FAM171A1: variants seen among roughly 807,000 people sequenced by gnomAD.
FAM171A1 encodes family with sequence similarity 171 member A1.
FAM171A1 carries 23 observed loss-of-function variants against 74.9 expected under a neutral mutation model. The observed-to-expected ratio is 0.31, with a 90% CI of 0.22 to 0.44. The LOEUF is 0.44. Ranked by LOEUF, FAM171A1 falls within the 20% of genes least tolerant of loss-of-function variation. The probability of loss-of-function intolerance (pLI) is 1.00; values close to 1 mark genes in which losing one functional copy is unlikely to be tolerated. For synonymous variants in FAM171A1, 527 were observed against 505.7 expected, an observed-to-expected ratio of 1.04 and a Z score of -0.57; for missense variants, 1,162 against 1,159.2, an observed-to-expected ratio of 1.00 and a Z score of -0.03.
chr10:15,331,859 G>GTATATA (rs1835639494), intron 1 of FAM171A1, among the ~76,000 whole-genome samples: 1 of 44,954 alleles, frequency 2.2e-5, no homozygotes, highest in Non-Finnish European at 4.2e-5. Context: ...ATATATGTGT[G>GTATATA]TATATATATG....
chr10:15,284,304 A>C (rs953809462), intron 1 of FAM171A1, among the ~76,000 whole-genome samples, 199 bp from the exon 2 acceptor site: 5 of 152,190 alleles, frequency 3.3e-5, no homozygotes, highest in Non-Finnish European at 7.3e-5. Context: ...ATTTTCTTCA[A>C]AACCACAGCC....
chr10:15,221,977 G>C (rs1034936568), intron 5 of FAM171A1, among the ~76,000 whole-genome samples: 22 of 152,250 alleles, frequency 1.4e-4, no homozygotes, highest in African/African-American at 5.1e-4. Flanking sequence ...AAGGTTGTTG[G>C]GCTATTTCCC....
intron 1 of FAM171A1, among the ~76,000 whole-genome samples, chr10:15,327,264 T>C (rs934702751): frequency 8.5e-5 from 13 of 152,106 alleles, no homozygotes; most frequent in Non-Finnish European, 1.6e-4. Context: ...TCATAGATTA[T>C]TAGGGGAATA....
At chr10:15,279,871 T>C (rs751994435) in intron 2 of FAM171A1, among the ~76,000 whole-genome samples, 1 of 151,922 alleles carries the variant, frequency 6.6e-6, no homozygotes, top group Non-Finnish European at 1.5e-5. Context: ...TGAACCGAGA[T>C]TGCACCACTG....
chr10:15,293,809 A>T (rs10906883), intron 1 of FAM171A1, among the ~76,000 whole-genome samples: 43,325 of 152,054 alleles, frequency 0.28, 7,918 homozygotes, highest in East Asian at 0.61. Context: ...GAAGAGATGA[A>T]ATTGAAGCTG....
intron 1 of FAM171A1, among the ~76,000 whole-genome samples, chr10:15,360,014 A>C (rs1283431884): frequency 6.6e-6 from 1 of 152,154 alleles, no homozygotes; most frequent in Non-Finnish European, 1.5e-5. Flanking sequence ...GGCTCACTGC[A>C]GCTTCAACCT....
chr10:15,213,222 A>G lies in FAM171A1; in HGVS notation c.2366T>C (p.Val789Ala), dbSNP rs1286870237. Residue 789 changes from valine (V) to alanine (A), a missense_variant, in exon 8 of 8, where the codon GTG becomes GCG. Physicochemically the swap from Val to Ala is moderately conservative, Grantham distance 64. Coordinates refer to ENST00000378116, the MANE Select transcript of FAM171A1 (RefSeq NM_001010924.2). The surrounding 1 kb of genome is among the most constrained non-coding windows in gnomAD (Gnocchi z 6.8). ...ACTCTGTTCCACGTCATCCAGGTAC[A>G]CGAGCTGCGTGTAGGCCGTGCTGTC... ...APDSTAYTQLVYLDDVEQSGS... is the reference protein window; with the variant it reads ...APDSTAYTQLAYLDDVEQSGS... 1.8e-5 allele frequency: 29 copies of G among 1,613,888 alleles called. No individual in the cohort carries two copies. The highest frequency in any genetic ancestry group is 2.4e-5 in the Non-Finnish European group (28 of 1,180,020).
At chr10:15,320,046 A>T (rs1011789521) in intron 1 of FAM171A1, among the ~76,000 whole-genome samples, 6 of 152,162 alleles carry the variant, frequency 3.9e-5, no homozygotes, top group African/African-American at 1.4e-4. Flanking sequence ...TGTCCTGAGA[A>T]TTTAGTATGC....
At chr10:15,298,393 C>A (rs868422483) in intron 1 of FAM171A1, among the ~76,000 whole-genome samples, 9 of 152,288 alleles carry the variant, frequency 5.9e-5, no homozygotes, top group Middle Eastern at 3.4e-3. Flanking sequence ...CTCGGCCTCC[C>A]AAAGTGCTGG....
intron 5 of FAM171A1, among the ~76,000 whole-genome samples, chr10:15,224,587 G>A (rs1834081141): frequency 6.6e-6 from 1 of 152,070 alleles, no homozygotes; most frequent in African/African-American, 2.4e-5. Context: ...GAATCATGGC[G>A]GCAGGTCTTT....
chr10:15,324,348 C>T (rs1457078426), intron 1 of FAM171A1, among the ~76,000 whole-genome samples: 2 of 152,148 alleles, frequency 1.3e-5, no homozygotes, highest in Non-Finnish European at 2.9e-5. Context: ...GCAGGTCCTT[C>T]CCCCATCCTC....
At chr10:15,227,513 GCTCAGA>G (rs1834124162) in intron 5 of FAM171A1, among the ~76,000 whole-genome samples, 1 of 152,102 alleles carries the variant, frequency 6.6e-6, no homozygotes, top group Admixed American at 6.6e-5. Context: ...CTCCCAAATA[GCTCAGA>G]CTACAGGCAC....
chr10:15,349,439 A>T (rs1196682853), intron 1 of FAM171A1, among the ~76,000 whole-genome samples: 6 of 152,222 alleles, frequency 3.9e-5, no homozygotes, highest in African/African-American at 1.2e-4. Context: ...GGCTCTTCCC[A>T]CAACACTCTG....
At chr10:15,345,813 A>G (rs1267869622) in intron 1 of FAM171A1, among the ~76,000 whole-genome samples, 1 of 152,134 alleles carries the variant, frequency 6.6e-6, no homozygotes, top group Non-Finnish European at 1.5e-5. Flanking sequence ...CTACGAAAGG[A>G]CAGATCAGCC....
chr10:15,248,953 T>C (rs1265439596), intron 4 of FAM171A1, 138 bp from the exon 5 acceptor site: 1 of 704,646 alleles, frequency 1.4e-6, no homozygotes, highest in Non-Finnish European at 2.2e-6. Flanking sequence ...ACATACATAA[T>C]CCTCACCACA....
At chr10:15,293,955 G>A (rs1564635089) in intron 1 of FAM171A1, among the ~76,000 whole-genome samples, 1 of 152,180 alleles carries the variant, frequency 6.6e-6, no homozygotes, top group African/African-American at 2.4e-5. Context: ...AATGGGCTGC[G>A]GTTCTGCTAA....
chr10:15,254,925 G>GT (rs1834560218), intron 3 of FAM171A1, 46 bp from the exon 4 acceptor site: 1 of 1,581,658 alleles, frequency 6.3e-7, no homozygotes, highest in African/African-American at 1.4e-5. Flanking sequence ...AGCAGTTTCT[G>GT]TTTTTAGAAA....
intron 3 of FAM171A1, among the ~76,000 whole-genome samples, chr10:15,258,049 CTTTTCTCTTTTTCTTTTTCTTTT>C (rs1433203296): frequency 2.0e-5 from 3 of 152,074 alleles, no homozygotes; most frequent in Non-Finnish European, 2.9e-5. Flanking sequence ...GCATTTCTTT[CTTTTCTCTTTTTCTTTTTCTTTT>C]TTTTCTCAGA....
chr10:15,270,098 C>A (rs187460654), intron 3 of FAM171A1, among the ~76,000 whole-genome samples: 3 of 152,258 alleles, frequency 2.0e-5, no homozygotes, highest in Admixed American at 2.0e-4. Context: ...ACCTAGGAAG[C>A]GCAACGGGTC....
Sources: gnomAD v4.1 joint callset for allele counts (sites outside exome capture counted in the v4.1 genomes callset) on GRCh38, gnomAD v4.1.1 for gene constraint, Gnocchi (gnomAD v3.1) non-coding constraint, MANE v1.5 for transcripts, NCBI Gene and HGNC (gene_info 2026-07-23, HGNC 2026-07-21) for gene names.